The following MRM1 variants were observed in gnomAD, a reference collection of about 807,000 sequenced individuals.
MRM1 encodes the protein rRNA methyltransferase 1, mitochondrial.
Under a neutral mutation model 25.0 loss-of-function variants are expected in MRM1, and 24 were observed. That is an observed-to-expected ratio of 0.96 (90% CI 0.69 to 1.35). The LOEUF is 1.35. Ranked by LOEUF, MRM1 falls within the 40% of genes most tolerant of loss-of-function variation. The probability of loss-of-function intolerance (pLI) is 0.00; values close to 1 mark genes in which losing one functional copy is unlikely to be tolerated. For synonymous variants in MRM1, 188 were observed against 199.2 expected (o/e 0.94, Z 0.47); for missense variants, 431 against 464.1 (o/e 0.93, Z 0.65).
chr17:36,616,489 A>T, the MRM1 span, among the ~76,000 whole-genome samples: 6 of 152,306 alleles, frequency 3.9e-5, no homozygotes, highest in South Asian at 1.2e-3. Context: ...CCCCTTGCAT[A>T]GATACAGGTA....
Position 36,602,929 on chromosome 17 carries a change from G to A in MRM1, c.636+283G>A. 1.0e-6 allele frequency: 1 copy of A among 985,364 alleles called. No homozygotes were observed. The highest frequency in any genetic ancestry group is 1.2e-6 in the Non-Finnish European group (1 of 829,922). The allele number at this position is 985,364 out of a possible 1,614,324, so 61.0% of individuals were successfully genotyped here. On this transcript the variant is annotated intron_variant, in intron 2 of 4. Transcript: ENST00000614766. The surrounding 1 kb of genome is among the most constrained non-coding windows in gnomAD (Gnocchi z 4.1). ...GCCTCAGTGTCTATTTGCCTACTAG[G>A]TCGGGCTTCAGTAAATGCATTTTGT...
At chr17:36,621,357 C>T in the MRM1 span, among the ~76,000 whole-genome samples, 1 of 152,126 alleles carries the variant, frequency 6.6e-6, no homozygotes, top group South Asian at 2.1e-4. Flanking sequence ...CAGTATACAC[C>T]CAAGCCAGCT....
At chr17:36,634,617 T>G in the MRM1 span, 15 of 152,258 alleles carry the variant, frequency 9.9e-5, no homozygotes, top group African/African-American at 3.6e-4. Context: ...ATCATTTTGT[T>G]TGGTCACTCC....
the MRM1 span, among the ~76,000 whole-genome samples, chr17:36,633,791 G>C: frequency 1.3e-5 from 2 of 152,152 alleles, no homozygotes; most frequent in Non-Finnish European, 2.9e-5. Flanking sequence ...GGCCGAAGGA[G>C]GAGATAATTT....
the MRM1 span, among the ~76,000 whole-genome samples, chr17:36,615,168 G>T: frequency 3.9e-4 from 59 of 152,320 alleles, no homozygotes; most frequent in African/African-American, 1.4e-3. Context: ...CTCGGTCACA[G>T]TATTCCATTT....
At chr17:36,629,414 T>C in the MRM1 span, among the ~76,000 whole-genome samples, 1 of 152,148 alleles carries the variant, frequency 6.6e-6, no homozygotes, top group African/African-American at 2.4e-5. Flanking sequence ...GTGGGTGAGC[T>C]GCGGCGGCAG....
chr17:36,605,341 T>G (rs1287093715), intron 2 of MRM1, among the ~76,000 whole-genome samples: 1 of 120,634 alleles, frequency 8.3e-6, no homozygotes, highest in Non-Finnish European at 1.9e-5. Flanking sequence ...TTTTTTCTTT[T>G]TCTTTTTTTT....
intron 2 of MRM1, 139 bp from the exon 3 acceptor site, chr17:36,607,531 G>A (rs945339409): frequency 2.8e-5 from 28 of 1,014,472 alleles, no homozygotes; most frequent in Non-Finnish European, 3.8e-5. Context: ...GCTGAGGTGG[G>A]AGGATCACCA....
In MRM1 at chr17:36,602,218, GGC is replaced by G. The variant is rs1473542947; in HGVS notation, c.410_411del (p.Ala137GlufsTer36). ...RPRPWREAGE[A>X]SPGDDPQQLW... Reference sequence around the variant, plus strand: ...CCCGGCCTTGGAGAGAGGCCGGGGAGGCGAGCCCAGGCGACGACCCCCAGCAG... The same window carrying G: ...CCCGGCCTTGGAGAGAGGCCGGGGAGGAGCCCAGGCGACGACCCCCAGCAG... On this transcript the variant is annotated frameshift_variant, in exon 1 of 5. Transcript: ENST00000614766. LOFTEE classifies it high-confidence loss of function. This position sits in a 1 kb window ranked among gnomAD's most constrained non-coding sequence, Gnocchi z 4.1. 6.2e-7 allele frequency: 1 copy of G among 1,610,482 alleles called. No homozygotes were observed. The highest frequency in any genetic ancestry group is 8.5e-7 in the Non-Finnish European group (1 of 1,177,938).
rs201130891 is a variant in MRM1 at position 36,607,742 on chromosome 17, G to A, written c.709G>A (p.Glu237Lys). The A allele has an allele frequency of 4.0e-5, 64 of 1,614,160 alleles. No homozygotes were observed. Among genetic ancestry groups the A allele is most frequent in the African/African-American group, 5.3e-5 (4 of 75,046 alleles). The change falls in exon 3 of 5, where the codon GAG (glutamate) becomes AAG (lysine). Residue 237 changes from glutamate to lysine, a missense_variant. By Grantham distance (56) the Glu-to-Lys change is moderately conservative (BLOSUM62 1). Transcript: ENST00000614766. The stretch of plus-strand genomic sequence containing the variant: ...AAGCACAGAGGATCCCCAGTCCTCC[G>A]AGATCCCCATCATGAGTTGCTTGGA... ...CPSTEDPQSS[E>K]IPIMSCLEFL...
At chr17:36,618,258 G>A in the MRM1 span, among the ~76,000 whole-genome samples, 1 of 152,158 alleles carries the variant, frequency 6.6e-6, no homozygotes, top group Non-Finnish European at 1.5e-5. Flanking sequence ...GAACGCCAAG[G>A]CTTAGCTTAG....
Position 36,601,947 on chromosome 17 carries a change from C to T in MRM1, c.137C>T (p.Thr46Ile). ...SRLLLDDLVP[T>I]SRLELLFGMT... ...TTGCTGCTGGATGACCTGGTGCCGA[C>T]CTCTCGGCTGGAGCTTCTGTTTGGC... Residue 46 changes from threonine (T) to isoleucine (I), a missense_variant, in exon 1 of 5, where the codon ACC (threonine) becomes ATC (isoleucine). Physicochemically the swap from Thr to Ile is moderately conservative, Grantham distance 89 (BLOSUM62 -1). Transcript: ENST00000614766. The T allele has an allele frequency of 6.2e-7, 1 of 1,613,168 alleles. No individual in the cohort carries two copies. Among genetic ancestry groups the T allele is most frequent in the Non-Finnish European group, 8.5e-7 (1 of 1,179,874 alleles).
intron 2 of MRM1, among the ~76,000 whole-genome samples, chr17:36,603,713 T>C (rs987411110): frequency 6.6e-6 from 1 of 152,232 alleles, no homozygotes; most frequent in East Asian, 1.9e-4. Context: ...AAAAATATTA[T>C]TAATGAAATA....
chr17:36,606,764 C>T (rs1049136857), intron 2 of MRM1, among the ~76,000 whole-genome samples: 2 of 151,876 alleles, frequency 1.3e-5, no homozygotes, highest in Admixed American at 6.6e-5. Context: ...TGTGCCACCA[C>T]ACCCAGCTAA....
the MRM1 span, among the ~76,000 whole-genome samples, chr17:36,629,285 A>C: frequency 1.3e-5 from 2 of 152,168 alleles, no homozygotes; most frequent in African/African-American, 4.8e-5. Flanking sequence ...GGTCTCTCCC[A>C]TGACTGGAGG....
the MRM1 span, among the ~76,000 whole-genome samples, chr17:36,616,023 A>G: frequency 1.3e-5 from 2 of 152,092 alleles, no homozygotes; most frequent in Non-Finnish European, 2.9e-5. Context: ...AACAACGACA[A>G]CAAAACTTTC....
chr17:36,607,139 C>T (rs1454339071), intron 2 of MRM1, among the ~76,000 whole-genome samples: 2 of 151,852 alleles, frequency 1.3e-5, no homozygotes, highest in African/African-American at 2.4e-5. Context: ...GTCTCGAACT[C>T]CCAACCTCAG....
In MRM1 at chr17:36,602,553, C is replaced by G; in HGVS notation, c.543C>G (p.Ser181Arg). Reference protein sequence around the residue: ...VDKVITSRRNSCPLTPVVSKS... With the variant: ...VDKVITSRRNRCPLTPVVSKS... ...TGCGGGGAACGGGGAAACCTTGCAG[C>G]TGCCCGCTCACTCCAGTAGTCAGCA... The change falls in exon 2 of 5, where the codon AGC (serine) becomes AGG (arginine). Residue 181 changes from serine (S) to arginine (R), a missense_variant and splice_region_variant. Physicochemically the swap from Ser to Arg is moderately radical, Grantham distance 110. Transcript: ENST00000614766. The surrounding 1 kb of genome is among the most constrained non-coding windows in gnomAD (Gnocchi z 4.1). The G allele has an allele frequency of 6.2e-7, 1 of 1,614,194 alleles. No homozygotes were observed. Among genetic ancestry groups the G allele is most frequent in the Non-Finnish European group, 8.5e-7 (1 of 1,180,030 alleles).
the MRM1 span, among the ~76,000 whole-genome samples, chr17:36,633,463 C>T: frequency 6.6e-6 from 1 of 151,996 alleles, no homozygotes; most frequent in Non-Finnish European, 1.5e-5. Context: ...CCTCTTCCTT[C>T]GAAGAACAGA....
Sources: gnomAD v4.1 joint callset for allele counts (sites outside exome capture counted in the v4.1 genomes callset) on GRCh38, gnomAD v4.1.1 for gene constraint, Gnocchi (gnomAD v3.1) non-coding constraint, MANE v1.5 for transcripts, NCBI Gene and HGNC (gene_info 2026-07-23, HGNC 2026-07-21) for gene names.